MSH6: variants seen among roughly 807,000 people sequenced by gnomAD.
MSH6 encodes the protein DNA mismatch repair protein Msh6.
Under a neutral mutation model 119.1 loss-of-function variants are expected in MSH6, and 85 were observed. That is an observed-to-expected ratio of 0.71 (90% CI 0.60 to 0.85). The LOEUF is 0.85. MSH6 is among the 40% of genes least tolerant of loss of function. MSH6 has a pLI of 0.00. For missense variants in MSH6, 2,163 were observed against 1,655.3 expected, an observed-to-expected ratio of 1.31 and a Z score of -5.32; for synonymous variants, 830 against 586.9, an observed-to-expected ratio of 1.41 and a Z score of -5.99.
Position 47,783,313 on chromosome 2 carries a change from C to T in MSH6, c.80C>T (p.Ala27Val), listed in dbSNP as rs1668116728. The T allele has an allele frequency of 1.2e-6, 2 of 1,611,834 alleles. No homozygotes were observed. The highest frequency in any genetic ancestry group is 1.7e-6 in the Non-Finnish European group (2 of 1,179,388). Residue 27 changes from alanine (A) to valine (V), a missense_variant, in exon 1 of 10, where the codon GCC becomes GTC. Ala to Val is a moderately conservative substitution (Grantham distance 64, BLOSUM62 0). Coordinates refer to ENST00000234420, the MANE Select transcript of MSH6 (RefSeq NM_000179.3). ...LSDANKASAR[A>V]SREGGRAAAA... is the part of the protein sequence containing the mutation. ...GATGCCAACAAGGCCTCGGCCAGGG[C>T]CTCACGCGAAGGCGGCCGTGCCGCC...
At chr2:47,808,003 C>G (rs961041550), downstream of MSH6, 1 of 930,368 alleles carries the variant, frequency 1.1e-6, no homozygotes. Flanking sequence ...CCTTGTGTAT[C>G]CATTTTTAAT....
intron 1 of MSH6, among the ~76,000 whole-genome samples, chr2:47,788,909 T>TTTTTTTTTTTTG (rs1668535419): frequency 1.2e-4 from 6 of 52,014 alleles, no homozygotes; most frequent in African/African-American, 4.3e-4. Context: ...TCTTCTTCCT[T>TTTTTTTTTTTTG]TTTTTTTTTT....
rs112878668 is a variant in MSH6, at chr2:47,805,237, A to G, written c.3556+210A>G. Among the ~76,000 whole-genome samples, 37 of 151,514 alleles carry G rather than the reference A, an allele frequency of 2.4e-4. 1 individual carries two copies. Among genetic ancestry groups the G allele is most frequent in the African/African-American group, 8.2e-4 (34 of 41,246 alleles). ...CTCTTGTTGCCCAAGCTGGAGTGCA[A>G]TGGCACGATCTTGGCTCACTGCAAC... On this transcript the variant is annotated intron_variant, in intron 6 of 9. Coordinates refer to ENST00000234420, the MANE Select transcript of MSH6 (RefSeq NM_000179.3).
rs1553333168 is a variant in MSH6, at chr2:47,806,352, ACATATGGTATGTG to A, written c.3798_3801+9del. The A allele has an allele frequency of 6.2e-7, 1 of 1,614,138 alleles. No homozygotes were observed. Among genetic ancestry groups the A allele is most frequent in the Non-Finnish European group, 8.5e-7 (1 of 1,179,994 alleles). Reference sequence around the variant, plus strand: ...CTCAAAATGTTGCTGTGCGCCTAGGACATATGGTATGTGCAAATTGTTTTTTTCCACAAATTCG... The same window carrying A: ...CTCAAAATGTTGCTGTGCGCCTAGGACAAATTGTTTTTTTCCACAAATTCG... On this transcript the variant is annotated splice_donor_variant and splice_donor_5th_base_variant and coding_sequence_variant and intron_variant, in exon 8 of 10. Coordinates refer to ENST00000234420, the MANE Select transcript of MSH6 (RefSeq NM_000179.3). LOFTEE classifies it high-confidence loss of function.
In MSH6 at chr2:47,796,635, C is replaced by G. The variant is rs537435606; in HGVS notation, c.627+572C>G. On this transcript the variant is annotated intron_variant, in intron 3 of 9. Transcript: ENST00000234420. Reference sequence around the variant, plus strand: ...TAAACCTTGAAATACAACCTTGGCTCAAACGTTAATGGTCATGGATAAAGT... The same window carrying G: ...TAAACCTTGAAATACAACCTTGGCTGAAACGTTAATGGTCATGGATAAAGT... Among the ~76,000 whole-genome samples the G allele has an allele frequency of 2.2e-4, 33 of 152,266 alleles. No individual in the cohort carries two copies. In the South Asian group the frequency reaches 4.2e-3, roughly 19 times the overall value.
intron 2 of MSH6, among the ~76,000 whole-genome samples, chr2:47,794,870 C>A (rs887563568): frequency 8.5e-5 from 13 of 152,150 alleles, no homozygotes; most frequent in African/African-American, 3.1e-4. Flanking sequence ...TCTTGGCTCA[C>A]TGCAACCTCT....
chr2:47,794,242 G>A (rs1000529606), intron 2 of MSH6, among the ~76,000 whole-genome samples: 1 of 151,842 alleles, frequency 6.6e-6, no homozygotes, highest in Non-Finnish European at 1.5e-5. Context: ...TCAGGAGGGT[G>A]AGGCAGAATT....
At chr2:47,783,591 G>A (rs2103948801) in intron 1 of MSH6, 98 bp downstream of exon 1, 1 of 1,245,380 alleles carries the variant, frequency 8.0e-7, no homozygotes. Context: ...GGGGGTGCAC[G>A]GCCTGGCCCT....
Position 47,788,910 on chromosome 2 carries a change from TTTTTTTTTTTTG to T in MSH6, c.261-2005_261-1994del, listed in dbSNP as rs1558650140. Among the ~76,000 whole-genome samples, 169 of 55,104 alleles carry T rather than the reference TTTTTTTTTTTTG, an allele frequency of 3.1e-3. 10 individuals are homozygous for T. The highest frequency in any genetic ancestry group is 0.018 in the South Asian group (29 of 1,580). The allele number at this position is 55,104 out of a possible 152,430, so 36.2% of individuals were successfully genotyped here. A position where few individuals can be genotyped will look rare whatever the true frequency, so the allele number is the denominator to read the frequency against. On this transcript the variant is annotated intron_variant, in intron 1 of 9. Transcript: ENST00000234420. ...TTTCTTTCTTTCTTTCTTCTTCCTT[TTTTTTTTTTTTG>T]TTTTTTTTTTTTTTTTTTTTTTTTT...
rs150632241 is a variant in MSH6, at chr2:47,805,621, A to G, written c.3560A>G (p.Glu1187Gly). 4.4e-6 allele frequency: 7 copies of G among 1,606,404 alleles called. No individual in the cohort carries two copies. Among genetic ancestry groups the G allele is most frequent in the Non-Finnish European group, 6.0e-6 (7 of 1,173,846 alleles). Residue 1187 changes from glutamate (E) to glycine (G), a missense_variant, in exon 7 of 10, where the codon GAA becomes GGA. By Grantham distance (98) the Glu-to-Gly change is moderately conservative. Transcript: ENST00000234420. ...TTGTGATTTTTTTTTTTTTAAGGTG[A>G]AAGTACATTTTTTGTTGAATTAAGT... ...LGASDRIMSG[E>G]STFFVELSET...
intron 3 of MSH6, chr2:47,797,952 T>A (rs141428048): frequency 2.4e-5 from 5 of 206,412 alleles, no homozygotes; most frequent in African/African-American, 7.0e-5. Flanking sequence ...AGTTTTAGTC[T>A]TTTAGCCAGA....
At chr2:47,809,748 A>C (rs371182710), downstream of MSH6, 5,183 of 1,342,528 alleles carry the variant, frequency 3.9e-3, 213 homozygotes, top group South Asian at 0.059. Flanking sequence ...ATCACTTTAT[A>C]CTGCTTCTTA....
intron 2 of MSH6, 78 bp from the exon 3 acceptor site, chr2:47,795,816 C>A: frequency 4.0e-6 from 5 of 1,258,244 alleles, no homozygotes; most frequent in Non-Finnish European, 5.7e-6. Context: ...GTTGCCCAGG[C>A]TGGTCTTGAA....
At position 47,803,617 on chromosome 2, in the gene MSH6, A is replaced by C. The variant is rs1443258363; in HGVS notation, c.3370A>C (p.Asn1124His). ...AGGCTGTGAGGAAGAGGAGCAGGAA[A>C]ATGGCAAAGCCTATTGTGTGCTTGT... The part of the protein sequence containing the change: ...LIGCEEEEQE[N>H]GKAYCVLVTG... The change falls in exon 5 of 10, where the codon AAT (asparagine) becomes CAT (histidine). Residue 1124 changes from asparagine to histidine, a missense_variant. Transcript: ENST00000234420. The C allele has an allele frequency of 6.2e-7, 1 of 1,614,086 alleles. No individual in the cohort carries two copies. The highest frequency in any genetic ancestry group is 8.5e-7 in the Non-Finnish European group (1 of 1,180,040).
Position 47,801,361 on chromosome 2 carries a change from GTTTTTTTTTTTT to G in MSH6, c.3172+220_3172+231del, listed in dbSNP as rs10666222. ...TTAGTAGCCCTTTGGCCTTTCTTCA[GTTTTTTTTTTTT>G]TTTTTTTTTTTTTGAGACATGGTCT... On this transcript the variant is annotated intron_variant, in intron 4 of 9. Transcript: ENST00000234420. 25 of 89,998 alleles carry G rather than the reference GTTTTTTTTTTTT, an allele frequency of 2.8e-4. 1 individual carries two copies. Among genetic ancestry groups the G allele is most frequent in the Non-Finnish European group, 4.4e-4 (23 of 52,646 alleles). The allele number at this position is 89,998 out of a possible 1,614,324, so 5.6% of individuals were successfully genotyped here.
Position 47,806,307 on chromosome 2 carries a change from T to TTCA in MSH6, c.3752_3754dup (p.Ser1251dup). On this transcript the variant is annotated inframe_insertion, in exon 8 of 10. Coordinates refer to ENST00000234420, the MANE Select transcript of MSH6 (RefSeq NM_000179.3). ...GTACATTATTTTCAACTCACTACCATTCATTAGTAGAAGATTATTCTCAAA... is the reference window on the plus strand; with the variant it reads ...GTACATTATTTTCAACTCACTACCATTCATCATTAGTAGAAGATTATTCTCAAA... 1 of 1,614,120 alleles carries TTCA rather than the reference T, an allele frequency of 6.2e-7. No homozygotes were observed. The highest frequency in any genetic ancestry group is 8.5e-7 in the Non-Finnish European group (1 of 1,179,958).
chr2:47,790,061 G>C (rs1375129784), intron 1 of MSH6, among the ~76,000 whole-genome samples: 1 of 152,108 alleles, frequency 6.6e-6, no homozygotes, highest in Non-Finnish European at 1.5e-5. Flanking sequence ...GGAACCCAAG[G>C]ATATGTTTGT....
At chr2:47,808,528 C>G, downstream of MSH6, 7 of 1,024,834 alleles carry the variant, frequency 6.8e-6, no homozygotes, top group Non-Finnish European at 9.6e-6. Context: ...TTAAGAGGAC[C>G]AAAACAAAAT....
chr2:47,803,481 A>G lies in MSH6; in HGVS notation c.3234A>G (p.Val1078=), dbSNP rs1669737845. ...GTGATGGTCCTATGTGTCGCCCAGT[A>G]ATTCTGTTGCCGGAAGATACCCCCC... is the stretch of plus-strand genomic sequence containing the variant. ...RGGDGPMCRP[V]ILLPEDTPPF... Residue 1078 remains valine (V), a synonymous_variant, in exon 5 of 10, where the codon GTA becomes GTG. Transcript: ENST00000234420. The G allele has an allele frequency of 6.2e-7, 1 of 1,614,166 alleles. No homozygotes were observed. The highest frequency in any genetic ancestry group is 8.5e-7 in the Non-Finnish European group (1 of 1,180,044).
Sources: allele counts gnomAD v4.1 joint callset (sites outside exome capture counted in the v4.1 genomes callset), GRCh38; gene constraint gnomAD v4.1.1; transcripts MANE v1.5; gene names NCBI Gene and HGNC (gene_info 2026-07-23, HGNC 2026-07-21).